The following NOL4L variants were observed in gnomAD, a reference collection of about 807,000 sequenced individuals.
The protein encoded by NOL4L is nucleolar protein 4 like.
A neutral mutation model predicts 64.5 loss-of-function variants in NOL4L; 7 were observed. That is an observed-to-expected ratio of 0.11 (90% CI 0.06 to 0.20). The LOEUF (loss-of-function observed/expected upper bound fraction) is 0.20. NOL4L is among the 10% of genes least tolerant of loss of function. The probability of loss-of-function intolerance (pLI) is 1.00; values close to 1 mark genes in which losing one functional copy is unlikely to be tolerated. For synonymous variants in NOL4L, 413 were observed against 401.0 expected, an observed-to-expected ratio of 1.03 and a Z score of -0.36; for missense variants, 680 against 967.1, an observed-to-expected ratio of 0.70 and a Z score of 3.94.
chr20:32,454,045 G>A (rs2013217536), intron 6 of NOL4L: 3 of 422,150 alleles, frequency 7.1e-6, no homozygotes, highest in Non-Finnish European at 1.3e-5. Context: ...GCGCTTAGGA[G>A]GGTGTCAGCT....
rs1184946423 is a variant in NOL4L, at chr20:32,453,535, T to C, written c.1306-40A>G. On this transcript the variant is annotated intron_variant, in intron 7 of 10. Coordinates refer to ENST00000621426, the MANE Select transcript of NOL4L (RefSeq NM_001256798.2). This position sits in a 1 kb window ranked among gnomAD's most constrained non-coding sequence, Gnocchi z 5.6. ...GCCATGGGAAGGGCTGGCCCTGGCC[T>C]TGCCCCCATCCCACCCCACCTGTTT... is the stretch of plus-strand genomic sequence containing the variant. 3.1e-6 allele frequency: 5 copies of C among 1,613,462 alleles called. No homozygotes were observed. The highest frequency in any genetic ancestry group is 2.2e-5 in the East Asian group (1 of 44,886).
chr20:32,494,909 G>T (rs1287333439), intron 4 of NOL4L, among the ~76,000 whole-genome samples: 1 of 150,566 alleles, frequency 6.6e-6, no homozygotes, highest in African/African-American at 2.5e-5. Context: ...CTGGGTTTGG[G>T]GGCCTGTAGT....
chr20:32,473,792 C>T (rs897582108), intron 5 of NOL4L, among the ~76,000 whole-genome samples: 58 of 152,318 alleles, frequency 3.8e-4, no homozygotes, highest in Admixed American at 1.8e-3. Flanking sequence ...CCGGCTCCTA[C>T]ACCCCAGTTC....
intron 3 of NOL4L, among the ~76,000 whole-genome samples, chr20:32,514,334 A>G (rs1010597643): frequency 1.6e-4 from 25 of 151,968 alleles, no homozygotes; most frequent in African/African-American, 6.0e-4. Context: ...TCTCCTAAAA[A>G]TTCAAGAATT....
chr20:32,448,067 G>C (rs1279996634), intron 10 of NOL4L, among the ~76,000 whole-genome samples: 1 of 152,180 alleles, frequency 6.6e-6, no homozygotes, highest in Non-Finnish European at 1.5e-5. Context: ...GGAAGAGGCG[G>C]CCTTGGGGCA....
chr20:32,552,209 A>T (rs551003204), intron 1 of NOL4L, among the ~76,000 whole-genome samples: 3 of 152,288 alleles, frequency 2.0e-5, no homozygotes, highest in Admixed American at 6.6e-5. Flanking sequence ...AAAACTAGAA[A>T]CAAAACCCAG....
intron 1 of NOL4L, among the ~76,000 whole-genome samples, chr20:32,566,765 C>G (rs746950219): frequency 6.6e-6 from 1 of 152,234 alleles, no homozygotes; most frequent in Admixed American, 6.5e-5. Flanking sequence ...CCTGCTCCAA[C>G]CCCTTGAGTT....
chr20:32,548,538 T>A (rs796626301), intron 1 of NOL4L: 8 of 162,792 alleles, frequency 4.9e-5, no homozygotes, highest in African/African-American at 1.9e-4. Context: ...AATTCTGATC[T>A]TCAGGGTCAT....
chr20:32,515,200 C>T (rs185486125), intron 3 of NOL4L, among the ~76,000 whole-genome samples: 7 of 152,256 alleles, frequency 4.6e-5, no homozygotes, highest in African/African-American at 9.6e-5. Context: ...AACCACTTCC[C>T]GTGCCTGCAG....
At chr20:32,549,570 T>C (rs1352468656) in intron 1 of NOL4L, among the ~76,000 whole-genome samples, 2 of 152,026 alleles carry the variant, frequency 1.3e-5, no homozygotes, top group Non-Finnish European at 2.9e-5. Flanking sequence ...CTGGCCAACA[T>C]GGTGAAACCC....
intron 1 of NOL4L, among the ~76,000 whole-genome samples, chr20:32,562,554 T>C (rs77179563): frequency 0.012 from 1,786 of 152,116 alleles, 39 homozygotes; most frequent in African/African-American, 0.041. Context: ...TAGGGTATAC[T>C]CTGCCAGAAA....
intron 4 of NOL4L, among the ~76,000 whole-genome samples, chr20:32,501,562 C>T (rs1162119430): frequency 6.6e-6 from 1 of 151,970 alleles, no homozygotes; most frequent in Non-Finnish European, 1.5e-5. Context: ...AATGTATCAC[C>T]TTAATATAAG....
intron 2 of NOL4L, among the ~76,000 whole-genome samples, chr20:32,523,911 A>G (rs1017147924): frequency 6.6e-6 from 1 of 152,220 alleles, no homozygotes; most frequent in African/African-American, 2.4e-5. Context: ...TCAGAGGCCA[A>G]CAAAGACAGA....
At chr20:32,530,541 A>C (rs2018309110) in intron 1 of NOL4L, among the ~76,000 whole-genome samples, 1 of 138,464 alleles carries the variant, frequency 7.2e-6, no homozygotes, top group South Asian at 2.2e-4. Context: ...ATTCCATCTC[A>C]AAAAAAAAAA....
chr20:32,512,587 G>C (rs1280585607), intron 3 of NOL4L, among the ~76,000 whole-genome samples: 1 of 152,160 alleles, frequency 6.6e-6, no homozygotes, highest in Admixed American at 6.5e-5. Flanking sequence ...AACCATAATT[G>C]CACCACGCAG....
At chr20:32,454,421 C>T (rs538087032) in intron 6 of NOL4L, among the ~76,000 whole-genome samples, 2 of 150,840 alleles carry the variant, frequency 1.3e-5, no homozygotes, top group East Asian at 1.9e-4. Flanking sequence ...GAGAGGGAAC[C>T]GGATCCGGCC....
At chr20:32,509,704 T>G in intron 4 of NOL4L, 1 of 1,209,776 alleles carries the variant, frequency 8.3e-7, no homozygotes, top group Non-Finnish European at 1.1e-6. Flanking sequence ...GAAGATACAG[T>G]TAGGATTTTT....
intron 4 of NOL4L, among the ~76,000 whole-genome samples, chr20:32,502,133 T>G (rs1243072786): frequency 6.6e-6 from 1 of 152,110 alleles, no homozygotes; most frequent in Non-Finnish European, 1.5e-5. Context: ...AAGCCCCAAT[T>G]GAAAAATCAA....
At chr20:32,569,681 AACCAGCTGGAGAGCAC>A in intron 1 of NOL4L, among the ~76,000 whole-genome samples, 1 of 152,146 alleles carries the variant, frequency 6.6e-6, no homozygotes, top group East Asian at 1.9e-4. Context: ...TTCCTGAGCC[AACCAGCTGGAGAGCAC>A]ACCAGCCCCT....
Sources: allele counts gnomAD v4.1 joint callset (sites outside exome capture counted in the v4.1 genomes callset), GRCh38; gene constraint gnomAD v4.1.1; non-coding constraint Gnocchi (gnomAD v3.1); transcripts MANE v1.5; gene names NCBI Gene and HGNC (gene_info 2026-07-23, HGNC 2026-07-21).